Variants in ABL2 observed in about 807,000 individuals in gnomAD.
The protein encoded by ABL2 is tyrosine-protein kinase ABL2.
A neutral mutation model predicts 107.7 loss-of-function variants in ABL2; 49 were observed. That is an observed-to-expected ratio of 0.45 (90% confidence interval 0.36 to 0.58). The LOEUF is 0.58. ABL2 is among the 20% of genes least tolerant of loss of function. The probability of loss-of-function intolerance (pLI) is 0.00; values close to 1 mark genes in which losing one functional copy is unlikely to be tolerated. For synonymous variants in ABL2, 549 were observed against 548.6 expected, an observed-to-expected ratio of 1.00 and a Z score of -0.01; for missense variants, 1,245 against 1,457.0, an observed-to-expected ratio of 0.85 and a Z score of 2.37.
intron 7 of ABL2, among the ~76,000 whole-genome samples, 192 bp downstream of exon 7, chr1:179,118,395 G>T (rs1465265718): frequency 1.3e-5 from 2 of 152,088 alleles, no homozygotes; most frequent in African/African-American, 4.8e-5. Context: ...AATAGCAAAG[G>T]CCCCTTATTA....
chr1:179,115,684 G>T (rs952501927), intron 8 of ABL2, among the ~76,000 whole-genome samples: 1 of 152,092 alleles, frequency 6.6e-6, no homozygotes, highest in Non-Finnish European at 1.5e-5. Flanking sequence ...TCCAAGGGGG[G>T]GGTCTTAGAA....
intron 1 of ABL2, among the ~76,000 whole-genome samples, chr1:179,176,702 C>CTTTTTTTTTTTT (rs35138436): frequency 0.23 from 24,440 of 106,458 alleles, 4,009 homozygotes; most frequent in East Asian, 0.36. Flanking sequence ...GTTACATATT[C>CTTTTTTTTTTTT]TTTTTTTTTT....
At chr1:179,117,145 T>G in intron 8 of ABL2, 187 bp downstream of exon 8, 1 of 657,024 alleles carries the variant, frequency 1.5e-6, no homozygotes, top group Non-Finnish European at 2.5e-6. Context: ...TATACTTCTG[T>G]TTATGCAAAG....
chr1:179,127,522 T>TC (rs1004320667), intron 3 of ABL2, among the ~76,000 whole-genome samples: 2 of 152,212 alleles, frequency 1.3e-5, no homozygotes, highest in African/African-American at 4.8e-5. Flanking sequence ...AGTTCAGACT[T>TC]CAACATATAA....
chr1:179,153,156 T>C (rs1469372648), intron 1 of ABL2, among the ~76,000 whole-genome samples: 2 of 152,196 alleles, frequency 1.3e-5, no homozygotes, highest in Admixed American at 6.5e-5. Context: ...TGAAATACTT[T>C]CTAAACCAAA....
At chr1:179,118,464 G>A (rs1207749500) in intron 7 of ABL2, 123 bp downstream of exon 7, 14 of 960,140 alleles carry the variant, frequency 1.5e-5, no homozygotes, top group Non-Finnish European at 1.6e-6. Flanking sequence ...AATGGGCCCT[G>A]TGAAATACAA....
intron 10 of ABL2, chr1:179,110,907 A>G: frequency 6.2e-7 from 1 of 1,606,782 alleles, no homozygotes; most frequent in Non-Finnish European, 8.5e-7. Context: ...CTGTCCCCAA[A>G]TAGCGATACT....
chr1:179,222,678 C>A (rs985794414), intron 1 of ABL2, among the ~76,000 whole-genome samples: 1 of 152,006 alleles, frequency 6.6e-6, no homozygotes, highest in South Asian at 2.1e-4. Context: ...CATGAGCCAC[C>A]GCGCCTGGCC....
At chr1:179,199,573 G>A (rs1383402113) in intron 1 of ABL2, among the ~76,000 whole-genome samples, 2 of 152,026 alleles carry the variant, frequency 1.3e-5, no homozygotes, top group Non-Finnish European at 2.9e-5. Context: ...AAGATATAGT[G>A]GTAGAAGTTT....
rs1553233501 is a variant in ABL2, at chr1:179,210,520, A to AAAG, written c.157+18720_157+18721insCTT. Among the ~76,000 whole-genome samples, 868 of 146,456 alleles carry AAAG rather than the reference A, an allele frequency of 5.9e-3. 5 individuals are homozygous for AAAG. Among genetic ancestry groups the AAAG allele is most frequent in the African/African-American group, 0.021 (803 of 39,098 alleles). On this transcript the variant is annotated intron_variant, in intron 1 of 11. Transcript: ENST00000502732. ...CTAACTCACAAAAAAAAAAAAAAAG[A>AAAG]AAAAAAAAAGCTTTAAGAGAAAAAT...
rs1185085334 is a variant in ABL2, at chr1:179,107,897, C to T, written c.3370G>A (p.Val1124Met). Residue 1124 changes from valine (V) to methionine (M), a missense_variant, in exon 12 of 12, where the codon GTG becomes ATG. By Grantham distance (21) the Val-to-Met change is conservative (BLOSUM62 1). Coordinates refer to ENST00000502732, the MANE Select transcript of ABL2 (RefSeq NM_007314.4). Reference protein sequence around the residue: ...HQLLDYCSGYVDCIPQTRNKF... With the variant: ...HQLLDYCSGYMDCIPQTRNKF... The stretch of plus-strand genomic sequence containing the variant: ...TTGCGAGTTTGAGGGATGCAGTCCA[C>T]ATAGCCTGAGCAGTAGTCAAGCAGC... 3 of 1,614,252 alleles carry T rather than the reference C, an allele frequency of 1.9e-6. No homozygotes were observed. Among genetic ancestry groups the T allele is most frequent in the African/African-American group, 1.3e-5 (1 of 75,062 alleles).
intron 1 of ABL2, among the ~76,000 whole-genome samples, chr1:179,155,978 T>C (rs1443468141): frequency 6.6e-6 from 1 of 152,174 alleles, no homozygotes; most frequent in African/African-American, 2.4e-5. Flanking sequence ...AGACAATGTA[T>C]GTGTGGGTAT....
intron 1 of ABL2, chr1:179,184,318 G>A: frequency 1.8e-6 from 1 of 549,476 alleles, no homozygotes; most frequent in East Asian, 3.2e-5. Context: ...AATGAGAGTG[G>A]TATTCCATCT....
chr1:179,221,717 T>A (rs189132073), intron 1 of ABL2: 35 of 234,144 alleles, frequency 1.5e-4, no homozygotes, highest in African/African-American at 8.1e-4. Context: ...TGTAGTATCT[T>A]TTAAACTTAA....
At chr1:179,128,719 C>A (rs1655986590) in intron 3 of ABL2, among the ~76,000 whole-genome samples, 1 of 152,212 alleles carries the variant, frequency 6.6e-6, no homozygotes, top group African/African-American at 2.4e-5. Context: ...AGGTCTCCCT[C>A]TGTCGCCACG....
At chr1:179,190,325 A>G (rs951777964) in intron 1 of ABL2, among the ~76,000 whole-genome samples, 4 of 152,158 alleles carry the variant, frequency 2.6e-5, no homozygotes. Context: ...AACACTTTAC[A>G]TACGTTTACT....
chr1:179,112,962 C>T (rs1199001232), intron 9 of ABL2, among the ~76,000 whole-genome samples: 7 of 152,140 alleles, frequency 4.6e-5, no homozygotes, highest in Non-Finnish European at 1.5e-5. Context: ...CCATGTTGGC[C>T]ATGCTGGTCT....
chr1:179,186,413 T>C (rs1006489430), intron 1 of ABL2, among the ~76,000 whole-genome samples: 5 of 152,148 alleles, frequency 3.3e-5, no homozygotes, highest in Non-Finnish European at 7.4e-5. Context: ...AGTTTCGCTC[T>C]TCTTGCCCAG....
chr1:179,170,730 G>A (rs944550763), intron 1 of ABL2, among the ~76,000 whole-genome samples: 2 of 152,202 alleles, frequency 1.3e-5, no homozygotes, highest in Non-Finnish European at 2.9e-5. Flanking sequence ...GAGTAGCTGG[G>A]ATTACAGGCA....
Sources: gnomAD v4.1 joint callset for allele counts (sites outside exome capture counted in the v4.1 genomes callset) on GRCh38, gnomAD v4.1.1 for gene constraint, MANE v1.5 for transcripts, NCBI Gene and HGNC (gene_info 2026-07-23, HGNC 2026-07-21) for gene names.